The following KIF6 variants were observed in gnomAD, a reference collection of about 807,000 sequenced individuals.
KIF6 encodes kinesin-like protein KIF6.
In KIF6, 106 loss-of-function variants were observed where a neutral mutation model predicts 112.7. That is an observed-to-expected ratio of 0.94 (90% CI 0.80 to 1.11). KIF6 has a LOEUF of 1.11. KIF6 is among the 50% of genes least tolerant of loss of function. The probability of loss-of-function intolerance (pLI) is 0.00; values close to 1 mark genes in which losing one functional copy is unlikely to be tolerated. For missense variants in KIF6, 929 were observed against 964.0 expected (o/e 0.96, Z 0.48); for synonymous variants, 339 against 339.9 (o/e 1.00, Z 0.03).
At chr6:39,682,640 C>T (rs760098969) in intron 3 of KIF6, among the ~76,000 whole-genome samples, 11 of 152,048 alleles carry the variant, frequency 7.2e-5, no homozygotes, top group Admixed American at 1.3e-4. Flanking sequence ...AGTGCAGTGG[C>T]GCAATTTTGG....
At chr6:39,537,211 GC>G (rs1466433887) in intron 13 of KIF6, among the ~76,000 whole-genome samples, 1 of 152,166 alleles carries the variant, frequency 6.6e-6, no homozygotes, top group African/African-American at 2.4e-5. Context: ...GGAAGTTCTG[GC>G]CAGGGCACTC....
chr6:39,664,062 G>A (rs1786312449), intron 3 of KIF6, among the ~76,000 whole-genome samples: 3 of 152,042 alleles, frequency 2.0e-5, no homozygotes, highest in Non-Finnish European at 2.9e-5. Context: ...CTAATATCAA[G>A]TTTAAAACAA....
At chr6:39,560,338 G>A (rs1421408809) in intron 10 of KIF6, among the ~76,000 whole-genome samples, 1 of 152,212 alleles carries the variant, frequency 6.6e-6, no homozygotes, top group Admixed American at 6.5e-5. Flanking sequence ...AATTCAGAGA[G>A]CTATAAAACT....
chr6:39,492,480 G>A (rs1056376188), intron 13 of KIF6, among the ~76,000 whole-genome samples: 3 of 152,144 alleles, frequency 2.0e-5, no homozygotes, highest in African/African-American at 4.8e-5. Context: ...CACTTCTTAC[G>A]GAACACAAGG....
At chr6:39,532,024 T>C (rs1778095261) in intron 13 of KIF6, among the ~76,000 whole-genome samples, 1 of 152,136 alleles carries the variant, frequency 6.6e-6, no homozygotes, top group Non-Finnish European at 1.5e-5. Flanking sequence ...TCTCTGCTTG[T>C]AATATTCCTT....
intron 5 of KIF6, among the ~76,000 whole-genome samples, chr6:39,626,166 C>A (rs1784083332): frequency 6.6e-6 from 1 of 152,190 alleles, no homozygotes; most frequent in African/African-American, 2.4e-5. Flanking sequence ...TCTGCCCCCA[C>A]AGAATCCAGG....
At chr6:39,651,926 G>GA (rs557976130) in intron 3 of KIF6, among the ~76,000 whole-genome samples, 2 of 152,124 alleles carry the variant, frequency 1.3e-5, no homozygotes, top group Admixed American at 6.5e-5. Flanking sequence ...AAAAGGAACA[G>GA]AAAAGACTGT....
At position 39,345,797 on chromosome 6, in the gene KIF6, A is replaced by T. The variant is rs1226749014; in HGVS notation, c.2232-8T>A. 1 of 1,608,568 alleles carries T rather than the reference A, an allele frequency of 6.2e-7. No homozygotes were observed. The highest frequency in any genetic ancestry group is 8.5e-7 in the Non-Finnish European group (1 of 1,176,924). ...TTCCTGGCATTCACATCACTGCAAA[A>T]CACAAACAAACAAAAGCAAAAGGAA... On this transcript the variant is annotated splice_polypyrimidine_tract_variant and splice_region_variant and intron_variant, in intron 20 of 22. Transcript: ENST00000287152.
chr6:39,701,529 TC>T, intron 3 of KIF6, among the ~76,000 whole-genome samples: 1 of 152,350 alleles, frequency 6.6e-6, no homozygotes, highest in Middle Eastern at 3.4e-3. Flanking sequence ...TCTCCCCTGT[TC>T]AGGTTTATGC....
chr6:39,479,860 G>T (rs934802842), intron 13 of KIF6, among the ~76,000 whole-genome samples: 8 of 152,122 alleles, frequency 5.3e-5, no homozygotes, highest in African/African-American at 9.7e-5. Flanking sequence ...CTTGGTCACT[G>T]CTGGTGTATA....
intron 1 of KIF6, 32 bp from the exon 2 acceptor site, chr6:39,720,843 A>C (rs749634085): frequency 3.0e-5 from 28 of 939,016 alleles, no homozygotes; most frequent in Non-Finnish European, 4.9e-5. Flanking sequence ...ATGGATATAA[A>C]ATGGTGAAAT....
intron 3 of KIF6, among the ~76,000 whole-genome samples, chr6:39,710,181 G>A (rs1003785604): frequency 6.6e-6 from 1 of 152,144 alleles, no homozygotes; most frequent in Non-Finnish European, 1.5e-5. Context: ...TTCTGCAGAG[G>A]AGAAGCTTGG....
rs1293010154 is a variant in KIF6, at chr6:39,360,518, C to T, written c.1959G>A (p.Met653Ile). 6.2e-7 allele frequency: 1 copy of T among 1,614,226 alleles called. No individual in the cohort carries two copies. The highest frequency in any genetic ancestry group is 1.7e-5 in the Admixed American group (1 of 60,030). ...LEEEKRRYKTMFTRLKALKVE... is the reference protein window; with the variant it reads ...LEEEKRRYKTIFTRLKALKVE... ...CCTTCAGGGCTTTCAGGCGAGTGAA[C>T]ATTGTTTTATACCTGCGGTGGAATC... The change falls in exon 18 of 23, where the codon ATG becomes ATA. Residue 653 changes from methionine (M) to isoleucine (I), a missense_variant. Met to Ile is a conservative substitution (Grantham distance 10). This residue lies in a region of KIF6 where 241 missense variants were observed against 301.4 expected (regional missense o/e 0.80). Transcript: ENST00000287152.
intron 3 of KIF6, among the ~76,000 whole-genome samples, chr6:39,685,584 C>A (rs1787813104): frequency 6.6e-6 from 1 of 152,220 alleles, no homozygotes; most frequent in African/African-American, 2.4e-5. Context: ...AATATGCAGG[C>A]ATGAGTCTAT....
At chr6:39,629,392 T>C (rs142298227) in intron 5 of KIF6, among the ~76,000 whole-genome samples, 41 of 152,222 alleles carry the variant, frequency 2.7e-4, no homozygotes, top group African/African-American at 8.9e-4. Context: ...TATATCACTG[T>C]TTTAATTTGC....
intron 22 of KIF6, among the ~76,000 whole-genome samples, chr6:39,340,728 C>T (rs1204755173): frequency 6.6e-6 from 1 of 152,176 alleles, no homozygotes; most frequent in Non-Finnish European, 1.5e-5. Flanking sequence ...ACAGTGTTAG[C>T]AGGAGGACAC....
chr6:39,382,173 T>G lies in KIF6; in HGVS notation c.1861+3449A>C, dbSNP rs144066386. On this transcript the variant is annotated intron_variant, in intron 16 of 22. Transcript: ENST00000287152. ...TGTTTGTTTATTTTTAAATTTCCAT[T>G]TTTAAATTTTAGATTCAGAGGTACA... Among the ~76,000 whole-genome samples, 27 of 152,350 alleles carry G rather than the reference T, an allele frequency of 1.8e-4. 1 individual carries two copies. In the East Asian group the frequency reaches 5.2e-3, roughly 29 times the overall value.
At position 39,562,436 on chromosome 6, in the gene KIF6, C is replaced by A. The variant is rs115198152; in HGVS notation, c.1181+15620G>T. 9.7e-3 allele frequency among the ~76,000 whole-genome samples: 1,472 copies of A among 152,300 alleles called. 25 individuals are homozygous for A. The highest frequency in any genetic ancestry group is 0.033 in the African/African-American group (1,388 of 41,566). Reference sequence around the variant, plus strand: ...AGACATACCCAGAATGAGGGAACAACAGTGAAGAAAATACAGCATTCCAGA... The same window carrying A: ...AGACATACCCAGAATGAGGGAACAAAAGTGAAGAAAATACAGCATTCCAGA... On this transcript the variant is annotated intron_variant, in intron 10 of 22. Transcript: ENST00000287152.
chr6:39,431,262 A>G, intron 13 of KIF6, 101 bp from the exon 14 acceptor site: 2 of 686,368 alleles, frequency 2.9e-6, no homozygotes, highest in Non-Finnish European at 5.1e-6. Context: ...TGGCTCCAAG[A>G]GGCCCACAGC....
Sources: allele counts gnomAD v4.1 joint callset (sites outside exome capture counted in the v4.1 genomes callset), GRCh38; gene constraint gnomAD v4.1.1; regional missense constraint gnomAD v4.1.1; transcripts MANE v1.5; gene names NCBI Gene and HGNC (gene_info 2026-07-23, HGNC 2026-07-21).